HLA-C: variants seen among roughly 807,000 people sequenced by gnomAD.
HLA-C encodes major histocompatibility complex, class I, C.
In HLA-C, 15 loss-of-function variants were observed where a neutral mutation model predicts 36.9. The observed-to-expected ratio is 0.41, with a 90% CI of 0.27 to 0.63. The LOEUF (loss-of-function observed/expected upper bound fraction) is 0.63, where lower values mean the gene tolerates loss of function less well. Among genes scored for constraint, HLA-C ranks in the 20% least tolerant of loss-of-function variants. The probability of loss-of-function intolerance (pLI) is 0.35; values close to 1 mark genes in which losing one functional copy is unlikely to be tolerated. For missense variants in HLA-C, 272 were observed against 400.4 expected, an observed-to-expected ratio of 0.68 and a Z score of 2.74; for synonymous variants, 104 against 174.3, an observed-to-expected ratio of 0.60 and a Z score of 3.18.
Position 31,271,012 on chromosome 6 carries a change from G to A in HLA-C, c.619+61C>T, listed in dbSNP as rs1761274808. The A allele has an allele frequency of 3.5e-6, 3 of 848,776 alleles. 1 individual carries two copies. The highest frequency in any genetic ancestry group is 1.4e-4 in the East Asian group (2 of 14,262). 52.6% of individuals were successfully genotyped at this position (848,776 alleles called of 1,614,324 possible). On this transcript the variant is annotated intron_variant, in intron 3 of 7. Transcript: ENST00000376228. Reference sequence around the variant, plus strand: ...CTGATCCCATTTTCCTCCCCTCCTCGTGGGAGGCCATCCCGGGAGATCTAT... The same window carrying A: ...CTGATCCCATTTTCCTCCCCTCCTCATGGGAGGCCATCCCGGGAGATCTAT...
chr6:31,271,816 TC>T lies in HLA-C; in HGVS notation c.125del (p.Gly42GlufsTer59). 7.9e-7 allele frequency: 1 copy of T among 1,267,978 alleles called. No individual in the cohort carries two copies. The highest frequency in any genetic ancestry group is 1.2e-5 in the South Asian group (1 of 81,220). 78.5% of individuals were successfully genotyped at this position (1,267,978 alleles called of 1,614,324 possible). ...AGCCCACTGAGATGAAGCGGGGCTC[TC>T]CGCGGCCGGGCCGGGACACGGCGGT... On this transcript the variant is annotated frameshift_variant, in exon 2 of 8. Coordinates refer to ENST00000376228, the Ensembl canonical transcript of HLA-C. LOFTEE classifies it high-confidence loss of function.
chr6:31,269,345 A>T, exon 7 of HLA-C: 1 of 899,068 alleles, frequency 1.1e-6, no homozygotes, highest in Admixed American at 3.5e-5. Context: ...CACCTTTACA[A>T]GTGATGAGAG....
exon 8 of HLA-C, chr6:31,268,903 G>A (rs1130586): frequency 0.048 from 10,672 of 222,092 alleles, 946 homozygotes; most frequent in African/African-American, 0.073. Flanking sequence ...GCAGCTCAGT[G>A]CACCATGAAT....
At chr6:31,269,068 A>G (rs3176007) in exon 8 of HLA-C, 24,311 of 728,658 alleles carry the variant, frequency 0.033, 462 homozygotes, top group African/African-American at 0.09. Flanking sequence ...GAACGCAGAC[A>G]CATTCAGGTG....
At chr6:31,271,999 A>C (rs2074493) in exon 1 of HLA-C, 68,590 of 936,668 alleles carry the variant, frequency 0.073, 11,582 homozygotes, top group East Asian at 0.18. Context: ...CCGCACTCAC[A>C]GGCCCAGGTC....
At position 31,271,736 on chromosome 6, in the gene HLA-C, C is replaced by T. The variant is rs41548913; in HGVS notation, c.206G>A (p.Gly69Glu). Residue 69 changes from glycine to glutamate, a missense_variant, in exon 2 of 8, where the codon GGG becomes GAG. By Grantham distance (98) the Gly-to-Glu change is moderately conservative. Coordinates refer to ENST00000376228, the Ensembl canonical transcript of HLA-C. ...CTCCACCCACGGCGCCCGCGGCTCC[C>T]CTCTCGGACTCGCGGCGTCGCTGTC... The T allele has an allele frequency of 2.0e-5, 29 of 1,441,124 alleles. 2 individuals are homozygous for T. The highest frequency in any genetic ancestry group is 2.1e-4 in the Middle Eastern group (1 of 4,854). 89.3% of individuals were successfully genotyped at this position (1,441,124 alleles called of 1,614,324 possible).
exon 2 of HLA-C, chr6:31,271,700 G>T (rs72558136): frequency 1.3e-6 from 2 of 1,508,244 alleles, no homozygotes; most frequent in African/African-American, 1.8e-5. Context: ...CCAATACTCC[G>T]GCCCCTCCTG....
In HLA-C at chr6:31,269,926, G is replaced by A. The variant is rs17886880; in HGVS notation, c.1015+40C>T. On this transcript the variant is annotated intron_variant, in intron 5 of 7. Transcript: ENST00000376228. ...ACCTGGGGCTTGAAACTCCCAGTGGGACAAGAAAACCCAGACCCCGCTCTT... is the reference window on the plus strand; with the variant it reads ...ACCTGGGGCTTGAAACTCCCAGTGGAACAAGAAAACCCAGACCCCGCTCTT... 21 of 815,192 alleles carry A rather than the reference G, an allele frequency of 2.6e-5. 1 individual carries two copies. In the South Asian group the frequency reaches 3.8e-4, roughly 15 times the overall value. 50.5% of individuals were successfully genotyped at this position (815,192 alleles called of 1,614,324 possible).
At chr6:31,271,844 T>G (rs1071650) in exon 2 of HLA-C, 38,472 of 1,217,576 alleles carry the variant, frequency 0.032, 4,448 homozygotes, top group Admixed American at 0.094. Flanking sequence ...CACGGCGGTG[T>G]CGAAATACCT....
At position 31,271,057 on chromosome 6, in the gene HLA-C, C is replaced by T. The variant is rs1562024836; in HGVS notation, c.619+16G>A. The T allele has an allele frequency of 3.4e-6, 3 of 889,408 alleles. No homozygotes were observed. Among genetic ancestry groups the T allele is most frequent in the Non-Finnish European group, 2.9e-6 (2 of 687,872 alleles). The allele number at this position is 889,408 out of a possible 1,614,324, so 55.1% of individuals were successfully genotyped here. On this transcript the variant is annotated intron_variant, in intron 3 of 7. Transcript: ENST00000376228. ...ATCTATAGGAGATGGGGAAGGCTCC[C>T]CACTGCCCCTGGTACCTGCGCGCTG...
In HLA-C at chr6:31,271,666, C is replaced by G. The variant is rs281860403; in HGVS notation, c.276G>C (p.Lys92Asn). 4 of 1,434,196 alleles carry G rather than the reference C, an allele frequency of 2.8e-6. No homozygotes were observed. In the East Asian group the frequency reaches 7.9e-5, roughly 28 times the overall value. 88.8% of individuals were successfully genotyped at this position (1,434,196 alleles called of 1,614,324 possible). The change falls in exon 2 of 8, where the codon AAG becomes AAC. Residue 92 changes from lysine (K) to asparagine (N), a missense_variant. Transcript: ENST00000376228. Reference sequence around the variant, plus strand: ...TCACTCGGTCAGCCTGTGCCTGGCGCTTGTACTTCTGTGTCTCCCGGTCCC... The same window carrying G: ...TCACTCGGTCAGCCTGTGCCTGGCGGTTGTACTTCTGTGTCTCCCGGTCCC...
intron 3 of HLA-C, 82 bp downstream of exon 3, chr6:31,270,991 T>A: frequency 1.3e-6 from 1 of 779,536 alleles, no homozygotes; most frequent in Non-Finnish European, 1.7e-6. Flanking sequence ...CCAGTGCTGA[T>A]CCCATTTTCC....
At position 31,272,028 on chromosome 6, in the gene HLA-C, C is replaced by G. The variant is rs773587386; in HGVS notation, c.44G>C (p.Gly15Ala). 16 of 1,039,446 alleles carry G rather than the reference C, an allele frequency of 1.5e-5. No homozygotes were observed. The African/African-American group carries it at 3.0e-4, about 19-fold the overall frequency. The allele number at this position is 1,039,446 out of a possible 1,614,324, so 64.4% of individuals were successfully genotyped here. A position where few individuals can be genotyped will look rare whatever the true frequency, so the allele number is the denominator to read the frequency against. ...CCAGGTCTCGGTCAGGGCCAGGCCT[C>G]CCGAGAGCAGCAGGAGGAGGGCTCG... The change falls in exon 1 of 8, where the codon GGA becomes GCA. Residue 15 changes from glycine to alanine, a missense_variant. Gly to Ala is a moderately conservative substitution (Grantham distance 60, BLOSUM62 0). Around this residue, in one of 8 missense-constraint regions of HLA-C, gnomAD observed 26 missense variants for 22.3 expected, o/e 1.17. Transcript: ENST00000376228.
intron 7 of HLA-C, 52 bp downstream of exon 7, chr6:31,269,286 G>A (rs1761113628): frequency 2.2e-6 from 2 of 891,802 alleles, no homozygotes; most frequent in Admixed American, 6.5e-5. Context: ...CCATTACCCA[G>A]GCCTTTTCCC....
At chr6:31,268,994 G>A (rs1347061331) in exon 8 of HLA-C, 3 of 690,180 alleles carry the variant, frequency 4.3e-6, no homozygotes, top group African/African-American at 1.8e-5. Context: ...GTCAGTGTGG[G>A]GACAGGGGTC....
chr6:31,272,053 G>T, exon 1 of HLA-C: 3 of 1,019,084 alleles, frequency 2.9e-6, no homozygotes, highest in East Asian at 3.9e-5. Context: ...AGGAGGGCTC[G>T]GGGCGCCATG....
Position 31,270,839 on chromosome 6 carries a change from C to A in HLA-C, c.619+234G>T. 6.2e-6 allele frequency: 2 copies of A among 321,310 alleles called. 1 individual carries two copies. The highest frequency in any genetic ancestry group is 1.9e-4 in the East Asian group (2 of 10,506). The allele number at this position is 321,310 out of a possible 1,614,324, so 19.9% of individuals were successfully genotyped here. A position where few individuals can be genotyped will look rare whatever the true frequency, so the allele number is the denominator to read the frequency against. On this transcript the variant is annotated intron_variant, in intron 3 of 7. Transcript: ENST00000376228. ...CAGTGGTCAAAGTGGTCAAAGGAGA[C>A]CCCTGATCAGTATTCCAGGGACTGT... is the stretch of plus-strand genomic sequence containing the variant.
chr6:31,271,262 C>G (rs45580333), exon 3 of HLA-C: 2 of 1,216,328 alleles, frequency 1.6e-6, no homozygotes, highest in South Asian at 1.3e-5. Context: ...TAATCCTTGC[C>G]GTCGTAGGCG....
At chr6:31,269,972 T>C in exon 5 of HLA-C, 1 of 834,984 alleles carries the variant, frequency 1.2e-6, no homozygotes, top group Non-Finnish European at 1.5e-6. Context: ...CTACCTGAGC[T>C]CTTCCTCCTA....
Sources: gnomAD v4.1 joint callset for allele counts on GRCh38, gnomAD v4.1.1 for gene constraint, gnomAD v4.1.1 regional missense constraint, MANE v1.5 for transcripts, NCBI Gene and HGNC (gene_info 2026-07-23, HGNC 2026-07-21) for gene names.